Variants in TPTE2 observed in about 807,000 individuals in gnomAD.
TPTE2 encodes the protein phosphatidylinositol 3,4,5-trisphosphate 3-phosphatase TPTE2.
In TPTE2, 53 loss-of-function variants were observed where a neutral mutation model predicts 78.6. The ratio of observed to expected loss-of-function variants is 0.67; its 90% CI spans 0.54 to 0.85. TPTE2 has a LOEUF of 0.85. Ranked by LOEUF, TPTE2 falls within the 40% of genes least tolerant of loss-of-function variation. The pLI, the probability that TPTE2 is intolerant of heterozygous loss-of-function variation, is 0.00. For synonymous variants in TPTE2, 175 were observed against 206.2 expected (o/e 0.85, Z 1.30); for missense variants, 461 against 623.0 (o/e 0.74, Z 2.77).
At chr13:19,490,916 T>A (rs868282766) in intron 3 of TPTE2, among the ~76,000 whole-genome samples, 2 of 152,218 alleles carry the variant, frequency 1.3e-5, no homozygotes, top group Non-Finnish European at 2.9e-5. Context: ...CACATTCTCA[T>A]ATTTTCCTAA....
chr13:19,477,944 A>G (rs1398295860), intron 4 of TPTE2, among the ~76,000 whole-genome samples: 1 of 152,214 alleles, frequency 6.6e-6, no homozygotes, highest in Non-Finnish European at 1.5e-5. Flanking sequence ...CATAGCCTCC[A>G]TGTACCTTTC....
upstream of TPTE2, among the ~76,000 whole-genome samples, chr13:19,540,894 T>C (rs1384061019): frequency 1.3e-5 from 2 of 152,334 alleles, no homozygotes; most frequent in African/African-American, 4.8e-5. Context: ...TCTTCCTTTA[T>C]TAGCTGTCTA....
intron 10 of TPTE2, among the ~76,000 whole-genome samples, chr13:19,462,189 A>C (rs1327774433): frequency 6.6e-6 from 1 of 151,998 alleles, no homozygotes; most frequent in African/African-American, 2.4e-5. Context: ...CTGTACTACC[A>C]GTGAGTTTTA....
At chr13:19,541,445 T>A (rs1871434476), upstream of TPTE2, among the ~76,000 whole-genome samples, 1 of 152,190 alleles carries the variant, frequency 6.6e-6, no homozygotes, top group African/African-American at 2.4e-5. Context: ...AATCACTTTT[T>A]TTATTGCTAT....
intron 1 of TPTE2, among the ~76,000 whole-genome samples, chr13:19,500,105 A>T (rs1352118926): frequency 6.6e-6 from 1 of 151,932 alleles, no homozygotes; most frequent in Non-Finnish European, 1.5e-5. Context: ...ACCAGGAAGA[A>T]GTTGAGTCTC....
In TPTE2 at chr13:19,475,577, AT is replaced by A. The variant is rs749909959; in HGVS notation, c.225del (p.Phe76LeufsTer20). The A allele has an allele frequency of 6.2e-7, 1 of 1,608,082 alleles. No individual in the cohort carries two copies. Among genetic ancestry groups the A allele is most frequent in the African/African-American group, 1.3e-5 (1 of 74,868 alleles). On this transcript the variant is annotated frameshift_variant, in exon 5 of 20. Coordinates refer to ENST00000400230, the Ensembl canonical transcript of TPTE2. LOFTEE classifies it high-confidence loss of function. Reference sequence around the variant, plus strand: ...TGTTTTCTATGTCTCACATACCCAAATGCAAAGGATGATACAATTGAATGCA... The same window carrying A: ...TGTTTTCTATGTCTCACATACCCAAAGCAAAGGATGATACAATTGAATGCA...
intron 1 of TPTE2, among the ~76,000 whole-genome samples, chr13:19,522,614 T>C (rs1226127975): frequency 1.1e-5 from 1 of 93,340 alleles, no homozygotes; most frequent in African/African-American, 5.5e-5. Flanking sequence ...CCTTACTTTT[T>C]TTTTCTTTTT....
At chr13:19,498,921 A>G (rs534505769) in intron 1 of TPTE2, among the ~76,000 whole-genome samples, 1,666 of 152,296 alleles carry the variant, frequency 0.011, 39 homozygotes, top group African/African-American at 0.038. Flanking sequence ...ATGCAGAGAC[A>G]CACATAGGCT....
intron 13 of TPTE2, among the ~76,000 whole-genome samples, chr13:19,445,983 G>A (rs200476798): frequency 2.0e-5 from 3 of 151,780 alleles, no homozygotes; most frequent in Non-Finnish European, 4.4e-5. Flanking sequence ...ATAAAAATTG[G>A]AAACAACCCA....
At chr13:19,506,398 C>A (rs1593407389), upstream of TPTE2, among the ~76,000 whole-genome samples, 2 of 151,724 alleles carry the variant, frequency 1.3e-5, no homozygotes, top group East Asian at 3.9e-4. Flanking sequence ...TGGTCTCGAT[C>A]TCCTGACCTC....
At chr13:19,560,049 C>T in the TPTE2 span, 4 of 552,992 alleles carry the variant, frequency 7.2e-6, no homozygotes, top group African/African-American at 2.5e-5. Context: ...CCAAGAACAG[C>T]TTGTGCATGG....
At chr13:19,425,368 T>C (rs1332169706) in intron 18 of TPTE2, among the ~76,000 whole-genome samples, 3 of 152,358 alleles carry the variant, frequency 2.0e-5, no homozygotes, top group Non-Finnish European at 4.4e-5. Context: ...TGAATTCTTA[T>C]AATTTTTTTG....
intron 15 of TPTE2, among the ~76,000 whole-genome samples, chr13:19,433,963 A>T (rs1404554164): frequency 1.3e-5 from 2 of 152,186 alleles, no homozygotes; most frequent in Admixed American, 6.5e-5. Flanking sequence ...CTGCCACTAG[A>T]TTCTCCACCT....
intron 1 of TPTE2, among the ~76,000 whole-genome samples, chr13:19,528,842 G>A (rs1316846457): frequency 6.6e-6 from 1 of 152,188 alleles, no homozygotes; most frequent in Non-Finnish European, 1.5e-5. Flanking sequence ...AGACTTGGCT[G>A]GGTGTGGTGG....
rs112733083 is a variant in TPTE2 at position 19,535,611 on chromosome 13, CTTAT to C, written c.-44+981_-44+984del. On this transcript the variant is annotated intron_variant, in intron 1 of 17. Coordinates refer to the TPTE2 transcript ENST00000390680. The surrounding 1 kb of genome is among the most constrained non-coding windows in gnomAD (Gnocchi z 5.1). Reference sequence around the variant, plus strand: ...TAAGTAATACTATCTCCAGGATTTTCTTATTTATTTATTTATTTATTTATTTATT... The same window carrying C: ...TAAGTAATACTATCTCCAGGATTTTCTTATTTATTTATTTATTTATTTATT... Among the ~76,000 whole-genome samples the C allele has an allele frequency of 0.82, 119,546 of 146,350 alleles. 49,820 individuals carry two copies. The highest frequency in any genetic ancestry group is 0.95 in the East Asian group (4,658 of 4,914).
At chr13:19,558,552 G>A in the TPTE2 span, among the ~76,000 whole-genome samples, 3 of 152,158 alleles carry the variant, frequency 2.0e-5, no homozygotes, top group African/African-American at 4.8e-5. Context: ...TAGAGTTGTC[G>A]ATATTGCTAG....
rs141235725 is a variant in TPTE2 at position 19,423,071 on chromosome 13, G to A, written c.1560C>T (p.Gly520=). ...ACAACATCATTGGAAGTCATTTCTC[G>A]CCAAAAAGTATCTCCACAGCAAATT... Residue 520 remains glycine, a synonymous_variant, in exon 20 of 20, where the codon GGC becomes GGT. Transcript: ENST00000400230. 4.9e-3 allele frequency: 7,917 copies of A among 1,611,778 alleles called. 25 individuals carry two copies. The highest frequency in any genetic ancestry group is 5.9e-3 in the Non-Finnish European group (6,906 of 1,178,968).
intron 1 of TPTE2, among the ~76,000 whole-genome samples, chr13:19,517,544 C>G (rs1489239161): frequency 6.6e-6 from 1 of 152,062 alleles, no homozygotes; most frequent in African/African-American, 2.4e-5. Context: ...CTAGTTCCCC[C>G]GCCAAAACTT....
intron 1 of TPTE2, 170 bp from the exon 5 acceptor site, chr13:19,493,671 T>G (rs1463373647): frequency 2.8e-6 from 2 of 704,450 alleles, no homozygotes; most frequent in African/African-American, 3.5e-5. Flanking sequence ...GAAATGAGGA[T>G]GTATATGACG....
Sources: gnomAD v4.1 joint callset for allele counts (sites outside exome capture counted in the v4.1 genomes callset) on GRCh38, gnomAD v4.1.1 for gene constraint, Gnocchi (gnomAD v3.1) non-coding constraint, MANE v1.5 for transcripts, NCBI Gene and HGNC (gene_info 2026-07-23, HGNC 2026-07-21) for gene names.